The following PAM variants were observed in gnomAD, a reference collection of about 807,000 sequenced individuals.
The protein encoded by PAM is peptidyl-glycine alpha-amidating monooxygenase.
PAM carries 72 observed loss-of-function variants against 122.1 expected under a neutral mutation model. The observed-to-expected ratio is 0.59, with a 90% confidence interval of 0.49 to 0.72. The LOEUF (loss-of-function observed/expected upper bound fraction) is 0.72, where lower values mean the gene tolerates loss of function less well. Among genes scored for constraint, PAM ranks in the 30% least tolerant of loss-of-function variants. PAM has a pLI of 0.00. For synonymous variants in PAM, 389 were observed against 404.4 expected (o/e 0.96, Z 0.46); for missense variants, 1,106 against 1,183.7 (o/e 0.93, Z 0.96).
At chr5:102,884,601 CTCTT>C (rs1242990538) in intron 3 of PAM, among the ~76,000 whole-genome samples, 1 of 151,904 alleles carries the variant, frequency 6.6e-6, no homozygotes, top group Non-Finnish European at 1.5e-5. Flanking sequence ...CAGAAAAATT[CTCTT>C]TGTTTCACTT....
At chr5:102,970,989 T>A (rs1765646725) in intron 14 of PAM, among the ~76,000 whole-genome samples, 1 of 152,044 alleles carries the variant, frequency 6.6e-6, no homozygotes, top group South Asian at 2.1e-4. Context: ...GTATTTTTAG[T>A]AGAGATGGGG....
intron 5 of PAM, among the ~76,000 whole-genome samples, chr5:102,923,724 T>C (rs1443236743): frequency 3.3e-5 from 5 of 152,214 alleles, no homozygotes; most frequent in Non-Finnish European, 7.3e-5. Context: ...ACAACAGCCC[T>C]ATCACAGAGG....
chr5:102,952,929 C>T (rs531501167), intron 12 of PAM, among the ~76,000 whole-genome samples: 79 of 152,220 alleles, frequency 5.2e-4, no homozygotes, highest in African/African-American at 1.9e-3. Context: ...GAGCCCCGAG[C>T]GTGAAGCACA....
At chr5:102,954,029 C>T (rs539122330) in intron 12 of PAM, among the ~76,000 whole-genome samples, 165 of 151,444 alleles carry the variant, frequency 1.1e-3, no homozygotes, top group Non-Finnish European at 1.9e-3. Context: ...TCCCTGTCTC[C>T]GTCTCAAAAT....
At position 102,867,272 on chromosome 5, in the gene PAM, G is replaced by T; in HGVS notation, c.90-1G>T. ...ATATTGAAATTGCCCTCTTTTTTAA[G>T]GTTTAAAGAAACTACCAGACCATTT... On this transcript the variant is annotated splice_acceptor_variant, in intron 2 of 25. Transcript: ENST00000438793. LOFTEE classifies it high-confidence loss of function. 1 of 1,594,010 alleles carries T rather than the reference G, an allele frequency of 6.3e-7. No individual in the cohort carries two copies.
chr5:102,789,829 A>G (rs1246345714), intron 1 of PAM, among the ~76,000 whole-genome samples: 1 of 152,064 alleles, frequency 6.6e-6, no homozygotes, highest in Non-Finnish European at 1.5e-5. Context: ...AAATAGCAAA[A>G]CTTACTAAAA....
intron 7 of PAM, among the ~76,000 whole-genome samples, chr5:102,932,301 A>G (rs1257129095): frequency 6.6e-6 from 1 of 152,082 alleles, no homozygotes; most frequent in Non-Finnish European, 1.5e-5. Flanking sequence ...CAGCCTGGCC[A>G]ACATGGTGAA....
At chr5:103,006,695 C>G in intron 18 of PAM, 106 bp from the exon 19 acceptor site, 3 of 731,228 alleles carry the variant, frequency 4.1e-6, no homozygotes, top group Admixed American at 4.6e-5. Flanking sequence ...AAATAAGTCT[C>G]TGGGAGCTTC....
intron 16 of PAM, among the ~76,000 whole-genome samples, chr5:102,997,423 A>G (rs1454520269): frequency 1.3e-5 from 2 of 151,956 alleles, no homozygotes; most frequent in Non-Finnish European, 2.9e-5. Context: ...TGAGGCTGAG[A>G]TGGGAGGATC....
At chr5:102,757,954 A>T (rs1259908257) in intron 1 of PAM, among the ~76,000 whole-genome samples, 1 of 147,276 alleles carries the variant, frequency 6.8e-6, no homozygotes. Flanking sequence ...AGGAGGGAGG[A>T]TCTCTTGAAA....
intron 16 of PAM, among the ~76,000 whole-genome samples, chr5:102,995,014 A>G (rs1775253682): frequency 6.6e-6 from 1 of 152,094 alleles, no homozygotes; most frequent in Non-Finnish European, 1.5e-5. Flanking sequence ...TCAATACTTT[A>G]TGGACTTTTG....
intron 3 of PAM, among the ~76,000 whole-genome samples, chr5:102,882,118 A>T (rs1791471897): frequency 2.1e-5 from 2 of 95,214 alleles, no homozygotes; most frequent in Non-Finnish European, 2.0e-5. Context: ...TATACACCAC[A>T]TTTTCTTTAT....
intron 7 of PAM, among the ~76,000 whole-genome samples, chr5:102,935,998 AT>A (rs1234335517): frequency 1.5e-4 from 23 of 152,276 alleles, no homozygotes; most frequent in African/African-American, 5.5e-4. Context: ...TTGTAAGCTG[AT>A]TGTTAAATAT....
intron 1 of PAM, among the ~76,000 whole-genome samples, chr5:102,814,659 GTTTTA>G (rs1769140737): frequency 6.7e-6 from 1 of 149,676 alleles, no homozygotes; most frequent in African/African-American, 2.5e-5. Flanking sequence ...AGCTATTATT[GTTTTA>G]TTTTCATGGT....
At chr5:102,887,921 T>TC (rs943379927) in intron 3 of PAM, among the ~76,000 whole-genome samples, 1 of 151,808 alleles carries the variant, frequency 6.6e-6, no homozygotes, top group African/African-American at 2.4e-5. Flanking sequence ...CACCTCCAAT[T>TC]CCCCCTATTC....
At chr5:103,005,117 T>G in intron 17 of PAM, 37 bp from the exon 18 acceptor site, 2 of 1,232,604 alleles carry the variant, frequency 1.6e-6, no homozygotes, top group South Asian at 2.4e-5. Context: ...GCCTTGAGAG[T>G]AAATGTGTAA....
intron 1 of PAM, among the ~76,000 whole-genome samples, chr5:102,808,849 T>C (rs1561502717): frequency 6.6e-6 from 1 of 152,226 alleles, no homozygotes; most frequent in Non-Finnish European, 1.5e-5. Flanking sequence ...AATTTGATTG[T>C]AAAAATAATG....
chr5:102,769,045 ACTGGG>A (rs1320578578), intron 1 of PAM, among the ~76,000 whole-genome samples: 12 of 152,158 alleles, frequency 7.9e-5, no homozygotes, highest in Non-Finnish European at 1.8e-4. Flanking sequence ...AGCCATTTTA[ACTGGG>A]GTGAGATGAC....
intron 3 of PAM, among the ~76,000 whole-genome samples, chr5:102,875,530 C>T (rs1788896619): frequency 6.6e-6 from 1 of 152,106 alleles, no homozygotes; most frequent in Non-Finnish European, 1.5e-5. Context: ...CTTATATCTT[C>T]TAATGCATAT....
Sources: allele counts gnomAD v4.1 joint callset (sites outside exome capture counted in the v4.1 genomes callset), GRCh38; gene constraint gnomAD v4.1.1; transcripts MANE v1.5; gene names NCBI Gene and HGNC (gene_info 2026-07-23, HGNC 2026-07-21).